CAMK2B: variants seen among roughly 807,000 people sequenced by gnomAD.
The protein encoded by CAMK2B is calcium/calmodulin-dependent protein kinase type II subunit beta.
A neutral mutation model predicts 93.7 loss-of-function variants in CAMK2B; 27 were observed. The ratio of observed to expected loss-of-function variants is 0.29; its 90% CI spans 0.21 to 0.40. CAMK2B has a LOEUF of 0.40. Ranked by LOEUF, CAMK2B falls within the 10% of genes least tolerant of loss-of-function variation. The pLI is 1.00. For missense variants in CAMK2B, 568 were observed against 895.8 expected (o/e 0.63, Z 4.67); for synonymous variants, 374 against 358.8 (o/e 1.04, Z -0.48).
chr7:44,225,826 C>T lies in CAMK2B; in HGVS notation c.1597+690G>A. ...AGCCTCTTCTCTAAGAGTATCTCCACACCACCCCCAGTCTGGTGTCTCCCC... is the reference window on the plus strand; with the variant it reads ...AGCCTCTTCTCTAAGAGTATCTCCATACCACCCCCAGTCTGGTGTCTCCCC... On this transcript the variant is annotated intron_variant, in intron 20 of 23. Coordinates refer to ENST00000395749, the MANE Select transcript of CAMK2B (RefSeq NM_001220.5). This position sits in a 1 kb window ranked among gnomAD's most constrained non-coding sequence, Gnocchi z 5.0. 3 of 1,289,392 alleles carry T rather than the reference C, an allele frequency of 2.3e-6. No homozygotes were observed. Among genetic ancestry groups the T allele is most frequent in the Non-Finnish European group, 3.0e-6 (3 of 988,750 alleles). 79.9% of individuals were successfully genotyped at this position (1,289,392 alleles called of 1,614,324 possible). A position where few individuals can be genotyped will look rare whatever the true frequency, so the allele number is the denominator to read the frequency against.
At chr7:44,275,726 G>A (rs946642325) in intron 2 of CAMK2B, among the ~76,000 whole-genome samples, 9 of 152,150 alleles carry the variant, frequency 5.9e-5, no homozygotes, top group Non-Finnish European at 1.2e-4. Context: ...GCCTAGCCTC[G>A]TTCCTTCATT....
intron 1 of CAMK2B, among the ~76,000 whole-genome samples, chr7:44,313,106 A>T (rs1793978402): frequency 6.6e-6 from 1 of 151,968 alleles, no homozygotes; most frequent in Non-Finnish European, 1.5e-5. Context: ...CACTGGGCCC[A>T]TCACCCCTGA....
chr7:44,276,276 C>T (rs377485595), intron 2 of CAMK2B, among the ~76,000 whole-genome samples: 10 of 152,218 alleles, frequency 6.6e-5, no homozygotes, highest in East Asian at 3.9e-4. Flanking sequence ...TGCAATGCGG[C>T]GCCTTGTCCT....
At chr7:44,249,841 T>G (rs896054161) in intron 5 of CAMK2B, among the ~76,000 whole-genome samples, 6 of 152,128 alleles carry the variant, frequency 3.9e-5, no homozygotes, top group African/African-American at 1.4e-4. Context: ...CCTCCCCAGC[T>G]GTCATCACCC....
chr7:44,278,140 G>A (rs1044968461), intron 2 of CAMK2B, among the ~76,000 whole-genome samples: 1 of 152,200 alleles, frequency 6.6e-6, no homozygotes. Context: ...GTGGCAGGCT[G>A]CCCGTGGGAC....
chr7:44,254,268 C>G (rs1370453492), intron 5 of CAMK2B, among the ~76,000 whole-genome samples: 1 of 152,240 alleles, frequency 6.6e-6, no homozygotes, highest in African/African-American at 2.4e-5. Context: ...TGGATAGAGC[C>G]CAAGTTCCTC....
chr7:44,277,711 C>A (rs1442213629), intron 2 of CAMK2B, among the ~76,000 whole-genome samples: 1 of 152,114 alleles, frequency 6.6e-6, no homozygotes, highest in Non-Finnish European at 1.5e-5. Context: ...CCTTCTCCCC[C>A]ACCAACCCTT....
At chr7:44,254,012 T>TA (rs1286939471) in intron 5 of CAMK2B, among the ~76,000 whole-genome samples, 1 of 152,102 alleles carries the variant, frequency 6.6e-6, no homozygotes, top group Admixed American at 6.5e-5. Flanking sequence ...GATGTACTGT[T>TA]ACGAGAGACA....
rs575550834 is a variant in CAMK2B, at chr7:44,281,523, C to T, written c.160+2608G>A. ...AGAGGCAGCTCGGATCCTGTGGTCC[C>T]GGTATGGCAGCCCACTCAGGGTCTG... On this transcript the variant is annotated intron_variant, in intron 2 of 23. Coordinates refer to ENST00000395749, the MANE Select transcript of CAMK2B (RefSeq NM_001220.5). Among the ~76,000 whole-genome samples the T allele has an allele frequency of 3.9e-5, 6 of 152,198 alleles. No homozygotes were observed. The South Asian group carries it at 8.3e-4, about 21-fold the overall frequency.
intron 1 of CAMK2B, among the ~76,000 whole-genome samples, chr7:44,305,619 G>A (rs925292463): frequency 6.6e-6 from 1 of 152,232 alleles, no homozygotes; most frequent in Admixed American, 6.5e-5. Context: ...CCCCTGTGAG[G>A]TGGGGGAGGT....
intron 2 of CAMK2B, among the ~76,000 whole-genome samples, chr7:44,265,448 G>C (rs1186739454): frequency 2.0e-5 from 3 of 152,262 alleles, no homozygotes. Context: ...GTGTGGGCCA[G>C]AGCCAGGCTG....
At chr7:44,283,162 T>C (rs1784169992) in intron 2 of CAMK2B, among the ~76,000 whole-genome samples, 2 of 152,232 alleles carry the variant, frequency 1.3e-5, no homozygotes, top group East Asian at 1.9e-4. Context: ...CCTGCCATAG[T>C]CCCTCCCCAC....
chr7:44,228,406 TGGG>T (rs2096540906), intron 19 of CAMK2B, among the ~76,000 whole-genome samples: 1 of 151,980 alleles, frequency 6.6e-6, no homozygotes, highest in Non-Finnish European at 1.5e-5. Context: ...CTGGGCACCA[TGGG>T]CAGGGCCCCT....
At chr7:44,262,072 A>G (rs1312450671) in intron 3 of CAMK2B, among the ~76,000 whole-genome samples, 1 of 152,238 alleles carries the variant, frequency 6.6e-6, no homozygotes, top group Non-Finnish European at 1.5e-5. Flanking sequence ...TTGGTGAAGC[A>G]TCAGATGAGG....
chr7:44,319,967 T>C (rs969111446), intron 1 of CAMK2B, among the ~76,000 whole-genome samples: 51 of 152,140 alleles, frequency 3.4e-4, no homozygotes, highest in African/African-American at 9.4e-4. Context: ...CACACACACA[T>C]ATCCTCATAC....
At chr7:44,234,365 A>C in intron 15 of CAMK2B, 25 bp downstream of exon 15, 6 of 1,490,916 alleles carry the variant, frequency 4.0e-6, no homozygotes, top group Non-Finnish European at 5.4e-6. Flanking sequence ...AGGGGCTGAG[A>C]GGCAGAATTT....
In CAMK2B at chr7:44,312,694, G is replaced by A. The variant is rs1417897320; in HGVS notation, c.65+12663C>T. On this transcript the variant is annotated intron_variant, in intron 1 of 23. Transcript: ENST00000395749. The surrounding 1 kb of genome is among the most constrained non-coding windows in gnomAD (Gnocchi z 4.1). Reference sequence around the variant, plus strand: ...GAGAAACAGAGAGACAGAGGAGACAGAGAAAGAGTAACACCTCCCGCAAGA... The same window carrying A: ...GAGAAACAGAGAGACAGAGGAGACAAAGAAAGAGTAACACCTCCCGCAAGA... Among the ~76,000 whole-genome samples the A allele has an allele frequency of 6.6e-6, 1 of 152,202 alleles. No individual in the cohort carries two copies. Among genetic ancestry groups the A allele is most frequent in the Non-Finnish European group, 1.5e-5 (1 of 68,032 alleles).
chr7:44,280,339 G>T (rs2097092493), intron 2 of CAMK2B, among the ~76,000 whole-genome samples: 1 of 152,222 alleles, frequency 6.6e-6, no homozygotes. Flanking sequence ...TGTGGAGAGA[G>T]GGGCCACACT....
At chr7:44,242,515 C>T (rs1270511129) in intron 9 of CAMK2B, 45 bp downstream of exon 9, 1 of 1,551,388 alleles carries the variant, frequency 6.4e-7, no homozygotes, top group Admixed American at 1.8e-5. Context: ...CACCCGGCCA[C>T]ACCTGGAGGA....
Sources: allele counts gnomAD v4.1 joint callset (sites outside exome capture counted in the v4.1 genomes callset), GRCh38; gene constraint gnomAD v4.1.1; non-coding constraint Gnocchi (gnomAD v3.1); transcripts MANE v1.5; gene names NCBI Gene and HGNC (gene_info 2026-07-23, HGNC 2026-07-21).